Variants in WEE2 observed in about 807,000 individuals in gnomAD.
The protein encoded by WEE2 is WEE2 oocyte meiosis inhibiting kinase, also known as wee1-like protein kinase 2.
In WEE2, 50 loss-of-function variants were observed where a neutral mutation model predicts 60.1. The observed-to-expected ratio is 0.83, with a 90% CI of 0.66 to 1.05. WEE2 has a LOEUF of 1.05. Among genes scored for constraint, WEE2 ranks in the 50% least tolerant of loss-of-function variants. The pLI, the probability that WEE2 is intolerant of heterozygous loss-of-function variation, is 0.00. For missense variants in WEE2, 631 were observed against 684.3 expected (o/e 0.92, Z 0.87); for synonymous variants, 240 against 241.0 (o/e 1.00, Z 0.04).
chr7:141,719,210 CGCT>C lies in WEE2; in HGVS notation c.725_727del (p.Arg242_Ser243delinsPro). On this transcript the variant is annotated inframe_deletion, in exon 4 of 12. Coordinates refer to ENST00000397541, the MANE Select transcript of WEE2 (RefSeq NM_001105558.1). ...GGATGGATGTGTTTATGCAATAAAG[CGCT>C]CTATGAAAACTTTTACAGAATTATC... is the stretch of plus-strand genomic sequence containing the variant. 1 of 1,611,244 alleles carries C rather than the reference CGCT, an allele frequency of 6.2e-7. No homozygotes were observed. Among genetic ancestry groups the C allele is most frequent in the Non-Finnish European group, 8.5e-7 (1 of 1,178,670 alleles).
In WEE2 at chr7:141,720,141, C is replaced by CTTTTTTTTTTTTTTTTTTTT. The variant is rs571238574; in HGVS notation, c.759-781_759-762dup. 1.7e-4 allele frequency among the ~76,000 whole-genome samples: 11 copies of CTTTTTTTTTTTTTTTTTTTT among 64,202 alleles called. 2 individuals carry two copies. Among genetic ancestry groups the CTTTTTTTTTTTTTTTTTTTT allele is most frequent in the South Asian group, 1.8e-3 (2 of 1,108 alleles). 42.1% of individuals were successfully genotyped at this position (64,202 alleles called of 152,430 possible). A position where few individuals can be genotyped will look rare whatever the true frequency, so the allele number is the denominator to read the frequency against. On this transcript the variant is annotated intron_variant, in intron 4 of 11. Transcript: ENST00000397541. ...GTTTTATACAGGTTTTAGAATTCCT[C>CTTTTTTTTTTTTTTTTTTTT]TTTTTTTTTTTTTTTTTTTTTTTTT...
In WEE2 at chr7:141,723,972, T is replaced by A. The variant is rs758665518; in HGVS notation, c.1059T>A (p.Ser353Arg). 3 of 1,611,844 alleles carry A rather than the reference T, an allele frequency of 1.9e-6. No individual in the cohort carries two copies. The highest frequency in any genetic ancestry group is 1.7e-5 in the Admixed American group (1 of 59,582). ...TATTCATTTGTCACAAGATGCAAAG[T>A]GAATCCTCTGGAGTCATAGAAGAAG... ...SNIFICHKMQ[S>R]ESSGVIEEVE... Residue 353 changes from serine to arginine, a missense_variant, in exon 7 of 12, where the codon AGT becomes AGA. Transcript: ENST00000397541.
rs1346024827 is a variant in WEE2 at position 141,714,203 on chromosome 7, A to G, written c.343-6A>G. 1.9e-6 allele frequency: 3 copies of G among 1,605,094 alleles called. 1 individual carries two copies. The South Asian group carries it at 3.4e-5, about 18-fold the overall frequency. Reference sequence around the variant, plus strand: ...TTATGACTTGCCTTTTGTCATCCTCATTCAGACCATGCTGAGCCGGTTGGT... The same window carrying G: ...TTATGACTTGCCTTTTGTCATCCTCGTTCAGACCATGCTGAGCCGGTTGGT... On this transcript the variant is annotated splice_polypyrimidine_tract_variant and splice_region_variant and intron_variant, in intron 1 of 11. Transcript: ENST00000397541.
chr7:141,727,627 C>A, intron 10 of WEE2, 181 bp downstream of exon 10: 2 of 678,662 alleles, frequency 2.9e-6, no homozygotes, highest in South Asian at 3.1e-5. Flanking sequence ...GGCTGGGAGG[C>A]TCTGTGATTA....
chr7:141,708,533 T>C lies in WEE2; in HGVS notation c.-226T>C, dbSNP rs374005023. 6.8e-4 allele frequency: 387 copies of C among 568,674 alleles called. No individual in the cohort carries two copies. The Middle Eastern group carries it at 0.012, about 18-fold the overall frequency. 35.2% of individuals were successfully genotyped at this position (568,674 alleles called of 1,614,324 possible). On this transcript the variant is annotated 5_prime_UTR_variant, in exon 1 of 12. Transcript: ENST00000397541. Reference sequence around the variant, plus strand: ...ATTGCTCCGAGAGTCACTGGAGCTTTCTTTAATCAGAATGGAAATCAGGAT... The same window carrying C: ...ATTGCTCCGAGAGTCACTGGAGCTTCCTTTAATCAGAATGGAAATCAGGAT...
rs945012481 is a variant in WEE2, at chr7:141,727,409, C to A, written c.1498C>A (p.Leu500Met). Residue 500 changes from leucine to methionine, a missense_variant, in exon 10 of 12, where the codon CTG becomes ATG. Transcript: ENST00000397541. ...AAAAACAGAAGAGCTCCAACAGCAGCTGAATTTGGAAAAGTTCAAGACTGC... is the reference window on the plus strand; with the variant it reads ...AAAAACAGAAGAGCTCCAACAGCAGATGAATTTGGAAAAGTTCAAGACTGC... ...LGKTEELQQQLNLEKFKTATL... is the reference protein window; with the variant it reads ...LGKTEELQQQMNLEKFKTATL... 6.2e-7 allele frequency: 1 copy of A among 1,614,020 alleles called. No individual in the cohort carries two copies. Among genetic ancestry groups the A allele is most frequent in the African/African-American group, 1.3e-5 (1 of 74,906 alleles).
Position 141,708,784 on chromosome 7 carries a change from A to G in WEE2, c.26A>G (p.Glu9Gly). The change falls in exon 1 of 12, where the codon GAA becomes GGA. Residue 9 changes from glutamate (E) to glycine (G), a missense_variant. Physicochemically the swap from Glu to Gly is moderately conservative, Grantham distance 98. Coordinates refer to ENST00000397541, the MANE Select transcript of WEE2 (RefSeq NM_001105558.1). ...ATGGATGACAAAGATATTGACAAAG[A>G]ACTAAGGCAGAAATTAAACTTTTCC... MDDKDIDK[E>G]LRQKLNFSYC... is the part of the protein sequence containing the mutation. The G allele has an allele frequency of 6.2e-7, 1 of 1,614,038 alleles. No homozygotes were observed. Among genetic ancestry groups the G allele is most frequent in the Non-Finnish European group, 8.5e-7 (1 of 1,179,952 alleles).
Position 141,727,391 on chromosome 7 carries a change from GA to G in WEE2, c.1482del (p.Glu495SerfsTer6). On this transcript the variant is annotated frameshift_variant, in exon 10 of 12. Coordinates refer to ENST00000397541, the MANE Select transcript of WEE2 (RefSeq NM_001105558.1). LOFTEE classifies it high-confidence loss of function. ...TVLRPSLGKT[E>X]ELQQQLNLEK... ...TCTCCGGCCTTCCCTGGGAAAAACAGAAGAGCTCCAACAGCAGCTGAATTTG... is the reference window on the plus strand; with the variant it reads ...TCTCCGGCCTTCCCTGGGAAAAACAGAGAGCTCCAACAGCAGCTGAATTTG... 6.2e-7 allele frequency: 1 copy of G among 1,614,122 alleles called. No homozygotes were observed. The highest frequency in any genetic ancestry group is 8.5e-7 in the Non-Finnish European group (1 of 1,179,992).
Position 141,723,987 on chromosome 7 carries a change from C to T in WEE2, c.1074C>T (p.Val358=), listed in dbSNP as rs1381998545. The part of the protein sequence containing the change: ...CHKMQSESSG[V]IEEVENEADW... ...AGATGCAAAGTGAATCCTCTGGAGT[C>T]ATAGAAGAAGTTGAAAATGAAGCTG... is the stretch of plus-strand genomic sequence containing the variant. Residue 358 remains valine (V), a synonymous_variant, in exon 7 of 12, where the codon GTC becomes GTT. Transcript: ENST00000397541. 10 of 1,612,864 alleles carry T rather than the reference C, an allele frequency of 6.2e-6. No individual in the cohort carries two copies. The South Asian group carries it at 9.9e-5, about 16-fold the overall frequency.
intron 2 of WEE2, among the ~76,000 whole-genome samples, chr7:141,715,258 G>A (rs369694581): frequency 6.6e-6 from 1 of 152,226 alleles, no homozygotes; most frequent in Non-Finnish European, 1.5e-5. Context: ...GAATTCGATT[G>A]GTTTTAGTTC....
chr7:141,729,475 T>C (rs1799085591), intron 10 of WEE2, 56 bp from the exon 11 acceptor site: 12 of 1,608,824 alleles, frequency 7.5e-6, no homozygotes, highest in East Asian at 2.2e-5. Flanking sequence ...GTTTTGATCA[T>C]ACATATCTCT....
rs1420859014 is a variant in WEE2 at position 141,720,954 on chromosome 7, G to A, written c.778G>A (p.Val260Ile). ...LSNENSALHEVYAHAVLGHHP... is the reference protein window; with the variant it reads ...LSNENSALHEIYAHAVLGHHP... ...TCATAGGAATTCGGCTTTGCATGAA[G>A]TTTATGCTCACGCAGTGCTTGGGCA... Residue 260 changes from valine (V) to isoleucine (I), a missense_variant, in exon 5 of 12, where the codon GTT becomes ATT. Coordinates refer to ENST00000397541, the MANE Select transcript of WEE2 (RefSeq NM_001105558.1). The A allele has an allele frequency of 6.2e-7, 1 of 1,613,662 alleles. No homozygotes were observed. Among genetic ancestry groups the A allele is most frequent in the East Asian group, 2.2e-5 (1 of 44,860 alleles).
chr7:141,729,071 T>C (rs1799076431), intron 10 of WEE2, among the ~76,000 whole-genome samples: 1 of 152,240 alleles, frequency 6.6e-6, no homozygotes, highest in Non-Finnish European at 1.5e-5. Flanking sequence ...TTTTATGCTT[T>C]GTGGGCCATA....
rs1351921191 is a variant in WEE2 at position 141,723,951 on chromosome 7, CATTT to C, written c.1039_1042del (p.Ile347ValfsTer12). ...TCATTTTTTTTTCAGGTAATATATT[CATTT>C]GTCACAAGATGCAAAGTGAATCCTC... On this transcript the variant is annotated frameshift_variant, in exon 7 of 12. Coordinates refer to ENST00000397541, the MANE Select transcript of WEE2 (RefSeq NM_001105558.1). LOFTEE classifies it high-confidence loss of function. 1.2e-6 allele frequency: 2 copies of C among 1,602,382 alleles called. No homozygotes were observed. Among genetic ancestry groups the C allele is most frequent in the Non-Finnish European group, 8.5e-7 (1 of 1,174,496 alleles).
chr7:141,729,727 G>A (rs924907339), intron 11 of WEE2, 54 bp downstream of exon 11: 25 of 1,563,452 alleles, frequency 1.6e-5, no homozygotes, highest in African/African-American at 1.5e-4. Flanking sequence ...GGTGGCTCAC[G>A]CCTGTAATCC....
At chr7:141,721,425 T>C (rs1482002578) in intron 5 of WEE2, among the ~76,000 whole-genome samples, 1 of 152,112 alleles carries the variant, frequency 6.6e-6, no homozygotes, top group African/African-American at 2.4e-5. Flanking sequence ...TAGCACCTCA[T>C]GACCTCACCT....
chr7:141,717,664 A>C (rs529304957), intron 3 of WEE2, among the ~76,000 whole-genome samples: 2 of 152,230 alleles, frequency 1.3e-5, no homozygotes, highest in Non-Finnish European at 2.9e-5. Context: ...ATATGCGTGT[A>C]TATCTTTAAA....
In WEE2 at chr7:141,708,546, T is replaced by C; in HGVS notation, c.-213T>C. The C allele has an allele frequency of 1.7e-6, 1 of 579,636 alleles. No homozygotes were observed. The highest frequency in any genetic ancestry group is 3.1e-6 in the Non-Finnish European group (1 of 326,180). 35.9% of individuals were successfully genotyped at this position (579,636 alleles called of 1,614,324 possible). A position where few individuals can be genotyped will look rare whatever the true frequency, so the allele number is the denominator to read the frequency against. The stretch of plus-strand genomic sequence containing the variant: ...TCACTGGAGCTTTCTTTAATCAGAA[T>C]GGAAATCAGGATAAGCTGAGGTCTT... On this transcript the variant is annotated 5_prime_UTR_variant, in exon 1 of 12. An upstream start codon of the reference 5' UTR is lost. Coordinates refer to ENST00000397541, the MANE Select transcript of WEE2 (RefSeq NM_001105558.1).
At chr7:141,713,361 C>T (rs913201235) in intron 1 of WEE2, among the ~76,000 whole-genome samples, 3 of 152,184 alleles carry the variant, frequency 2.0e-5, no homozygotes, top group African/African-American at 4.8e-5. Flanking sequence ...AACACAGCTA[C>T]TCCTCTGGCC....
Sources: gnomAD v4.1 joint callset for allele counts (sites outside exome capture counted in the v4.1 genomes callset) on GRCh38, gnomAD v4.1.1 for gene constraint, MANE v1.5 for transcripts, NCBI Gene and HGNC (gene_info 2026-07-23, HGNC 2026-07-21) for gene names.